Variants in RAD50 observed in about 807,000 individuals in gnomAD.
The protein encoded by RAD50 is RAD50 double strand break repair protein, also known as DNA repair protein RAD50.
A neutral mutation model predicts 168.8 loss-of-function variants in RAD50; 132 were observed. The ratio of observed to expected loss-of-function variants is 0.78; its 90% confidence interval spans 0.68 to 0.90. The LOEUF (loss-of-function observed/expected upper bound fraction) is 0.90. RAD50 is among the 40% of genes least tolerant of loss of function. The pLI is 0.00. For synonymous variants in RAD50, 525 were observed against 497.4 expected (o/e 1.06, Z -0.74); for missense variants, 1,347 against 1,534.4 (o/e 0.88, Z 2.04).
intron 3 of RAD50, among the ~76,000 whole-genome samples, chr5:132,576,521 C>T (rs1750403039): frequency 6.6e-6 from 1 of 152,208 alleles, no homozygotes. Context: ...TTTTATTTAA[C>T]TAGCTAAGTA....
rs1448951364 is a variant in RAD50, at chr5:132,638,072, C to T, written c.3476-9C>T. ...AGGTTCCTCTAAAATATTCTTCTTC[C>T]TGTGTCAGATATTGAATACATAGAA... is the stretch of plus-strand genomic sequence containing the variant. On this transcript the variant is annotated splice_polypyrimidine_tract_variant and intron_variant, in intron 22 of 24. Coordinates refer to ENST00000378823, the MANE Select transcript of RAD50 (RefSeq NM_005732.4). 6.2e-7 allele frequency: 1 copy of T among 1,613,616 alleles called. No homozygotes were observed. The highest frequency in any genetic ancestry group is 2.2e-5 in the East Asian group (1 of 44,888).
At chr5:132,594,771 T>C in intron 11 of RAD50, 98 bp from the exon 12 acceptor site, 2 of 1,255,850 alleles carry the variant, frequency 1.6e-6, no homozygotes, top group East Asian at 2.3e-5. Context: ...ACTCTTGTCA[T>C]GATTTGTTGG....
intron 8 of RAD50, among the ~76,000 whole-genome samples, chr5:132,589,416 A>T (rs1165428239): frequency 6.6e-6 from 1 of 152,196 alleles, no homozygotes; most frequent in African/African-American, 2.4e-5. Context: ...CTATGTGTGT[A>T]TTAAACTATA....
rs772570315 is a variant in RAD50, at chr5:132,609,206, G to C, written c.2919G>C (p.Lys973Asn). Residue 973 changes from lysine to asparagine, a missense_variant, in exon 18 of 25, where the codon AAG becomes AAC. Transcript: ENST00000378823. Reference protein sequence around the residue: ...NYIQDGKDDYKKQKETELNKV... With the variant: ...NYIQDGKDDYNKQKETELNKV... ...TTCAAGATGGGAAAGACGACTATAAGAAGGTAATTTAAAACTTAAAATTAT... is the reference window on the plus strand; with the variant it reads ...TTCAAGATGGGAAAGACGACTATAACAAGGTAATTTAAAACTTAAAATTAT... 1.9e-6 allele frequency: 3 copies of C among 1,610,564 alleles called. No homozygotes were observed. Among genetic ancestry groups the C allele is most frequent in the African/African-American group, 2.7e-5 (2 of 74,762 alleles).
intron 21 of RAD50, among the ~76,000 whole-genome samples, chr5:132,624,183 C>T (rs1751332265): frequency 2.0e-5 from 3 of 152,108 alleles, no homozygotes; most frequent in Non-Finnish European, 4.4e-5. Context: ...CAAAATGGCT[C>T]ATAGAATTAT....
intron 20 of RAD50, among the ~76,000 whole-genome samples, chr5:132,616,516 C>T (rs1371426366): frequency 6.6e-6 from 1 of 152,190 alleles, no homozygotes; most frequent in Non-Finnish European, 1.5e-5. Context: ...GTGATTTATC[C>T]ACAGAGATTC....
In RAD50 at chr5:132,605,550, G is replaced by A. The variant is rs1409394861; in HGVS notation, c.2718+551G>A. Among the ~76,000 whole-genome samples the A allele has an allele frequency of 2.0e-5, 3 of 152,122 alleles. No homozygotes were observed. In the East Asian group the frequency reaches 5.8e-4, roughly 29 times the overall value. Reference sequence around the variant, plus strand: ...TCTAGAGACAGGGTCTCACTATGTTGTTCAGGCTGGTCTCAAACTCATGGC... The same window carrying A: ...TCTAGAGACAGGGTCTCACTATGTTATTCAGGCTGGTCTCAAACTCATGGC... On this transcript the variant is annotated intron_variant, in intron 16 of 24. Coordinates refer to ENST00000378823, the MANE Select transcript of RAD50 (RefSeq NM_005732.4).
At chr5:132,574,924 T>A (rs1322434061) in intron 2 of RAD50, among the ~76,000 whole-genome samples, 1 of 152,196 alleles carries the variant, frequency 6.6e-6, no homozygotes, top group Non-Finnish European at 1.5e-5. Flanking sequence ...ATTGTCCATA[T>A]CCTCATCAGC....
chr5:132,587,303 T>C (rs368303864), intron 5 of RAD50, among the ~76,000 whole-genome samples: 3 of 151,896 alleles, frequency 2.0e-5, no homozygotes, highest in Non-Finnish European at 2.9e-5. Context: ...TTGTGGCAGG[T>C]GTTGAGGACA....
Position 132,595,642 on chromosome 5 carries a change from G to A in RAD50, c.2039G>A (p.Cys680Tyr), listed in dbSNP as rs753902735. ...CAGCTAACAGACGAAAACCAGTCAT[G>A]TTGCCCCGTTTGTCAGAGAGTTTTT... ...ITQLTDENQS[C>Y]CPVCQRVFQT... The change falls in exon 13 of 25, where the codon TGT becomes TAT. Residue 680 changes from cysteine to tyrosine, a missense_variant. Physicochemically the swap from Cys to Tyr is radical, Grantham distance 194. This residue lies in a region of RAD50 where 9 missense variants were observed against 27.5 expected (regional missense o/e 0.33). Coordinates refer to ENST00000378823, the MANE Select transcript of RAD50 (RefSeq NM_005732.4). 8 of 1,614,028 alleles carry A rather than the reference G, an allele frequency of 5.0e-6. No individual in the cohort carries two copies. In the South Asian group the frequency reaches 6.6e-5, roughly 13 times the overall value.
intron 21 of RAD50, among the ~76,000 whole-genome samples, chr5:132,622,396 C>T (rs1472788670): frequency 1.3e-5 from 2 of 152,028 alleles, no homozygotes; most frequent in Non-Finnish European, 1.5e-5. Context: ...TGGCCTCAAG[C>T]GATCCTCCTG....
chr5:132,570,900 T>C (rs1220609558), intron 2 of RAD50, among the ~76,000 whole-genome samples: 1 of 152,216 alleles, frequency 6.6e-6, no homozygotes, highest in Non-Finnish European at 1.5e-5. Context: ...ATTTCTAGTT[T>C]TTGATTTAAA....
intron 9 of RAD50, among the ~76,000 whole-genome samples, chr5:132,590,047 T>A (rs1750671287): frequency 6.6e-6 from 1 of 152,134 alleles, no homozygotes; most frequent in Admixed American, 6.6e-5. Context: ...CATAGGGAGC[T>A]TTTTAAAGAT....
intron 19 of RAD50, among the ~76,000 whole-genome samples, chr5:132,609,838 TA>T (rs1484730681): frequency 1.3e-5 from 2 of 152,132 alleles, no homozygotes; most frequent in African/African-American, 4.8e-5. Context: ...TTACTTCATT[TA>T]TTTTTTATTT....
intron 12 of RAD50, 137 bp from the exon 13 acceptor site, chr5:132,595,436 A>G (rs1466414689): frequency 5.6e-6 from 3 of 540,060 alleles, no homozygotes; most frequent in South Asian, 4.0e-5. Context: ...TTTAAATATC[A>G]GAATTTTTAT....
At chr5:132,629,634 C>T (rs191630895) in intron 21 of RAD50, among the ~76,000 whole-genome samples, 79 of 152,272 alleles carry the variant, frequency 5.2e-4, no homozygotes, top group East Asian at 1.9e-3. Flanking sequence ...AAGATTTATA[C>T]GGTGAGCCCT....
intron 21 of RAD50, among the ~76,000 whole-genome samples, chr5:132,627,184 A>T (rs1488460617): frequency 6.6e-6 from 1 of 152,166 alleles, no homozygotes; most frequent in African/African-American, 2.4e-5. Flanking sequence ...ATAACCGTTA[A>T]AAAACTAGTA....
At chr5:132,622,114 T>C (rs965069129) in intron 21 of RAD50, among the ~76,000 whole-genome samples, 13 of 152,102 alleles carry the variant, frequency 8.5e-5, no homozygotes, top group Non-Finnish European at 1.9e-4. Flanking sequence ...CTCCATTTTT[T>C]TCTATAAGTT....
At position 132,604,040 on chromosome 5, in the gene RAD50, G is replaced by A; in HGVS notation, c.2518G>A (p.Asp840Asn). Residue 840 changes from aspartate (D) to asparagine (N), a missense_variant, in exon 15 of 25, where the codon GAC becomes AAC. Asp to Asn is a conservative substitution (Grantham distance 23). Transcript: ENST00000378823. ...QEKQEKQHKL[D>N]TVSSKIELNR... ...GAAACAAGAGAAACAGCACAAGTTA[G>A]ACACAGGTAATACAGTCTGTGTCCT... The A allele has an allele frequency of 1.2e-6, 2 of 1,613,564 alleles. No individual in the cohort carries two copies. Among genetic ancestry groups the A allele is most frequent in the Non-Finnish European group, 1.7e-6 (2 of 1,179,688 alleles).
Sources: allele counts gnomAD v4.1 joint callset (sites outside exome capture counted in the v4.1 genomes callset), GRCh38; gene constraint gnomAD v4.1.1; regional missense constraint gnomAD v4.1.1; transcripts MANE v1.5; gene names NCBI Gene and HGNC (gene_info 2026-07-23, HGNC 2026-07-21).